The following HP1BP3 variants were observed in gnomAD, a reference collection of about 807,000 sequenced individuals.
HP1BP3 encodes the protein heterochromatin protein 1-binding protein 3.
Under a neutral mutation model 62.5 loss-of-function variants are expected in HP1BP3, and 12 were observed. The ratio of observed to expected loss-of-function variants is 0.19; its 90% CI spans 0.12 to 0.31. The LOEUF is 0.31. Ranked by LOEUF, HP1BP3 falls within the 10% of genes least tolerant of loss-of-function variation. HP1BP3 has a pLI of 1.00. For missense variants in HP1BP3, 502 were observed against 651.8 expected, an observed-to-expected ratio of 0.77 and a Z score of 2.50; for synonymous variants, 260 against 237.8, an observed-to-expected ratio of 1.09 and a Z score of -0.86.
chr1:20,759,344 G>A (rs373486612), intron 8 of HP1BP3, among the ~76,000 whole-genome samples: 14 of 152,128 alleles, frequency 9.2e-5, no homozygotes, highest in Non-Finnish European at 1.8e-4. Context: ...CGGAGGTTGC[G>A]GTGAGCCAAG....
chr1:20,767,778 G>GA (rs138055687), intron 6 of HP1BP3, 114 bp from the exon 7 acceptor site: 65,738 of 438,644 alleles, frequency 0.15, 10 homozygotes, highest in South Asian at 0.2. Context: ...CTTCTTCAGA[G>GA]AAAAAAAAAA....
At chr1:20,752,853 T>C (rs995763641) in intron 9 of HP1BP3, among the ~76,000 whole-genome samples, 14 of 152,234 alleles carry the variant, frequency 9.2e-5, no homozygotes, top group African/African-American at 2.9e-4. Context: ...ATAATCCGTA[T>C]CTGCTACATA....
intron 4 of HP1BP3, chr1:20,775,477 A>G (rs559002521): frequency 6.6e-6 from 1 of 152,328 alleles, no homozygotes; most frequent in African/African-American, 2.4e-5. Flanking sequence ...GTAAAGTTTT[A>G]AAAGTTTTTA....
chr1:20,778,650 C>G (rs2057405510), intron 3 of HP1BP3, among the ~76,000 whole-genome samples: 1 of 141,826 alleles, frequency 7.1e-6, no homozygotes, highest in Non-Finnish European at 1.5e-5. Flanking sequence ...CTGCCTTAGG[C>G]CAGGGTGCCC....
intron 9 of HP1BP3, chr1:20,750,153 T>A (rs1361846327): frequency 2.6e-6 from 1 of 384,520 alleles, no homozygotes; most frequent in African/African-American, 2.1e-5. Flanking sequence ...TACTGACAAC[T>A]GTACCCAATA....
chr1:20,747,654 C>T lies in HP1BP3; in HGVS notation c.1143G>A (p.Met381Ile), dbSNP rs1485271396. The change falls in exon 11 of 13, where the codon ATG (methionine) becomes ATA (isoleucine). Residue 381 changes from methionine to isoleucine, a missense_variant and splice_region_variant. Transcript: ENST00000438032. ...NHPGTNSNYQ[M>I]HLLKKTLQKC... ...TCTGCAGGGTTTTTTTCAGCAAATG[C>T]ACTGAAAAAAAAAATTCAGAAATGA... The T allele has an allele frequency of 6.3e-7, 1 of 1,592,350 alleles. No individual in the cohort carries two copies.
At chr1:20,747,078 A>G (rs1297487561) in intron 11 of HP1BP3, among the ~76,000 whole-genome samples, 1 of 152,218 alleles carries the variant, frequency 6.6e-6, no homozygotes, top group African/African-American at 2.4e-5. Flanking sequence ...TTACTTGATA[A>G]AGAAGGAATG....
chr1:20,752,177 G>T (rs1047656957), intron 9 of HP1BP3, among the ~76,000 whole-genome samples: 2 of 151,882 alleles, frequency 1.3e-5, no homozygotes, highest in East Asian at 2.0e-4. Context: ...CAGGAGAATC[G>T]CTTGAACCCG....
intron 9 of HP1BP3, among the ~76,000 whole-genome samples, chr1:20,751,531 C>T (rs1323530776): frequency 6.6e-6 from 1 of 151,810 alleles, no homozygotes; most frequent in Non-Finnish European, 1.5e-5. Context: ...TCAAGACCAA[C>T]CTCGGCAACA....
At chr1:20,771,452 A>T (rs181996265) in intron 5 of HP1BP3, among the ~76,000 whole-genome samples, 8 of 152,354 alleles carry the variant, frequency 5.3e-5, no homozygotes, top group Admixed American at 3.9e-4. Context: ...TTAAGGCACG[A>T]GCTTAAGGAA....
At chr1:20,754,461 G>T (rs1193004276) in intron 9 of HP1BP3, among the ~76,000 whole-genome samples, 1 of 149,646 alleles carries the variant, frequency 6.7e-6, no homozygotes, top group Non-Finnish European at 1.5e-5. Context: ...AACTCCAGCT[G>T]TTTTTTTGGT....
At chr1:20,745,462 C>T in intron 12 of HP1BP3, 81 bp downstream of exon 12, 1 of 1,495,416 alleles carries the variant, frequency 6.7e-7, no homozygotes, top group Non-Finnish European at 8.9e-7. Context: ...TGCTTTTTAG[C>T]TTTAGCCCCT....
At chr1:20,760,870 G>C (rs61778530) in intron 8 of HP1BP3, among the ~76,000 whole-genome samples, 50,680 of 151,878 alleles carry the variant, frequency 0.33, 9,109 homozygotes, top group Non-Finnish European at 0.4. Context: ...AAAAGTGATA[G>C]AACTTACATT....
At chr1:20,748,380 CAA>C (rs1228690642) in intron 10 of HP1BP3, among the ~76,000 whole-genome samples, 1 of 152,012 alleles carries the variant, frequency 6.6e-6, no homozygotes, top group Non-Finnish European at 1.5e-5. Flanking sequence ...ATTCAGTATC[CAA>C]AAAACAGCTG....
chr1:20,755,972 G>A (rs1388130613), intron 9 of HP1BP3, among the ~76,000 whole-genome samples: 1 of 152,182 alleles, frequency 6.6e-6, no homozygotes, highest in East Asian at 1.9e-4. Context: ...GAACAGACTA[G>A]AGGTTGCCTG....
chr1:20,785,965 G>A (rs528247996), intron 1 of HP1BP3, among the ~76,000 whole-genome samples: 1 of 152,272 alleles, frequency 6.6e-6, no homozygotes, highest in East Asian at 1.9e-4. Context: ...AAAGCCCCAG[G>A]CGATTTTTAG....
chr1:20,764,274 G>A (rs182452905), intron 8 of HP1BP3, among the ~76,000 whole-genome samples: 8 of 151,362 alleles, frequency 5.3e-5, no homozygotes, highest in African/African-American at 1.9e-4. Context: ...TTCTGGTGCT[G>A]TACTTCATTA....
In HP1BP3 at chr1:20,741,458, T is replaced by C. The variant is rs1466048665; in HGVS notation, c.*3339A>G. 6.6e-6 allele frequency among the ~76,000 whole-genome samples: 1 copy of C among 152,260 alleles called. No individual in the cohort carries two copies. Among genetic ancestry groups the C allele is most frequent in the African/African-American group, 2.4e-5 (1 of 41,472 alleles). On this transcript the variant is annotated 3_prime_UTR_variant, in exon 13 of 13. Coordinates refer to ENST00000438032, the MANE Select transcript of HP1BP3 (RefSeq NM_001372052.1). ...AAGGTGTTAGCAGATTGTTTAGTTT[T>C]GTTTTCATGTCATTTTCCTGTTAAT...
rs1434154092 is a variant in HP1BP3 at position 20,741,928 on chromosome 1, T to C, written c.*2869A>G. Among the ~76,000 whole-genome samples the C allele has an allele frequency of 2.0e-5, 3 of 152,260 alleles. No individual in the cohort carries two copies. The highest frequency in any genetic ancestry group is 4.4e-5 in the Non-Finnish European group (3 of 68,040). On this transcript the variant is annotated 3_prime_UTR_variant, in exon 13 of 13. Coordinates refer to ENST00000438032, the MANE Select transcript of HP1BP3 (RefSeq NM_001372052.1). Reference sequence around the variant, plus strand: ...CCTGGAAGGGAAAAATCAAACATTCTTTTATCTCAATGTAAGTAAGGCGTA... The same window carrying C: ...CCTGGAAGGGAAAAATCAAACATTCCTTTATCTCAATGTAAGTAAGGCGTA...
Sources: allele counts gnomAD v4.1 joint callset (sites outside exome capture counted in the v4.1 genomes callset), GRCh38; gene constraint gnomAD v4.1.1; transcripts MANE v1.5; gene names NCBI Gene and HGNC (gene_info 2026-07-23, HGNC 2026-07-21).